Variants in HELZ observed in about 807,000 individuals in gnomAD.
HELZ encodes helicase with zinc finger.
HELZ carries 23 observed loss-of-function variants against 218.2 expected under a neutral mutation model. That is an observed-to-expected ratio of 0.11 (90% CI 0.08 to 0.15). The LOEUF is 0.15. HELZ is among the 10% of genes least tolerant of loss of function. The probability of loss-of-function intolerance (pLI) is 1.00; values close to 1 mark genes in which losing one functional copy is unlikely to be tolerated. For missense variants in HELZ, 1,813 were observed against 2,353.7 expected (o/e 0.77, Z 4.75); for synonymous variants, 814 against 829.4 (o/e 0.98, Z 0.32).
intron 23 of HELZ, among the ~76,000 whole-genome samples, chr17:67,129,907 C>T (rs1384672141): frequency 1.3e-5 from 2 of 151,910 alleles, no homozygotes; most frequent in African/African-American, 4.8e-5. Context: ...TTTTATTATG[C>T]TATAAAAGAT....
At chr17:67,197,631 T>A (rs897611368) in intron 7 of HELZ, among the ~76,000 whole-genome samples, 7 of 152,218 alleles carry the variant, frequency 4.6e-5, no homozygotes, top group African/African-American at 1.7e-4. Context: ...TCAGTAAATG[T>A]TAAACTGAAT....
chr17:67,160,413 T>A, intron 16 of HELZ, 51 bp from the exon 17 acceptor site: 1 of 1,277,354 alleles, frequency 7.8e-7, no homozygotes, highest in Non-Finnish European at 1.1e-6. Flanking sequence ...ACAAAACTAT[T>A]CAAGCAGTAT....
chr17:67,195,853 T>TC (rs1491241506), intron 7 of HELZ, among the ~76,000 whole-genome samples: 23 of 109,444 alleles, frequency 2.1e-4, no homozygotes, highest in African/African-American at 6.7e-4. Context: ...TTTTTTTTTC[T>TC]TTTTTTTTTT....
intron 5 of HELZ, among the ~76,000 whole-genome samples, chr17:67,208,756 A>G (rs1172824461): frequency 1.3e-5 from 2 of 149,570 alleles, no homozygotes; most frequent in Non-Finnish European, 2.9e-5. Flanking sequence ...ATTTCTACAA[A>G]ACAGAAAACA....
At chr17:67,130,309 C>T (rs917497739) in intron 23 of HELZ, among the ~76,000 whole-genome samples, 1 of 151,414 alleles carries the variant, frequency 6.6e-6, no homozygotes, top group African/African-American at 2.4e-5. Flanking sequence ...ACAAAAACCA[C>T]TTGTACCCAT....
chr17:67,086,762 G>T, intron 32 of HELZ, 67 bp downstream of exon 32: 1 of 1,562,056 alleles, frequency 6.4e-7, no homozygotes, highest in Non-Finnish European at 8.8e-7. Context: ...TGGTATAGAA[G>T]AAAAACTCCA....
intron 25 of HELZ, among the ~76,000 whole-genome samples, chr17:67,123,694 C>T (rs921139373): frequency 3.9e-5 from 6 of 151,994 alleles, no homozygotes; most frequent in Non-Finnish European, 7.4e-5. Flanking sequence ...AAATGTTTTT[C>T]CTCAAAACCT....
At chr17:67,242,658 T>G (rs967859448) in intron 2 of HELZ, among the ~76,000 whole-genome samples, 5 of 151,910 alleles carry the variant, frequency 3.3e-5, no homozygotes, top group African/African-American at 1.2e-4. Flanking sequence ...AAAATAAATT[T>G]AAAAATCCAT....
intron 27 of HELZ, among the ~76,000 whole-genome samples, chr17:67,115,528 A>G (rs907440889): frequency 1.3e-5 from 2 of 152,096 alleles, no homozygotes; most frequent in African/African-American, 2.4e-5. Flanking sequence ...AACTGATAAA[A>G]CCAGTATAAA....
chr17:67,242,404 C>A (rs572630381), intron 2 of HELZ, among the ~76,000 whole-genome samples: 2 of 128,470 alleles, frequency 1.6e-5, no homozygotes, highest in Non-Finnish European at 1.6e-5. Context: ...AAGAGTGAAA[C>A]TCTGTCTCAA....
At chr17:67,135,166 G>A (rs116244878) in intron 23 of HELZ, among the ~76,000 whole-genome samples, 1 of 151,952 alleles carries the variant, frequency 6.6e-6, no homozygotes, top group Non-Finnish European at 1.5e-5. Context: ...AAAGTCTAAT[G>A]AATACTAATA....
intron 31 of HELZ, among the ~76,000 whole-genome samples, chr17:67,096,407 C>T (rs1318263941): frequency 2.0e-5 from 3 of 152,240 alleles, no homozygotes; most frequent in Admixed American, 6.5e-5. Flanking sequence ...CAGGTATTGA[C>T]TTCTTCCTCT....
chr17:67,169,526 G>C lies in HELZ; in HGVS notation c.1431-1730C>G, dbSNP rs142726243. Among the ~76,000 whole-genome samples the C allele has an allele frequency of 2.0e-3, 307 of 152,220 alleles. 2 individuals are homozygous for C. Among genetic ancestry groups the C allele is most frequent in the Non-Finnish European group, 3.4e-3 (229 of 68,000 alleles). Reference sequence around the variant, plus strand: ...ATCACATTATCCACTCATGAGGGTGGAATCCTCATGGCCTAATCACCTTTT... The same window carrying C: ...ATCACATTATCCACTCATGAGGGTGCAATCCTCATGGCCTAATCACCTTTT... On this transcript the variant is annotated intron_variant, in intron 13 of 32. Transcript: ENST00000358691.
intron 13 of HELZ, among the ~76,000 whole-genome samples, chr17:67,170,298 T>C (rs1161969127): frequency 6.6e-6 from 1 of 152,208 alleles, no homozygotes; most frequent in African/African-American, 2.4e-5. Flanking sequence ...ATACATCCTT[T>C]GAAGTCTATG....
chr17:67,108,315 C>T lies in HELZ; in HGVS notation c.4724+177G>A, dbSNP rs938794028. On this transcript the variant is annotated intron_variant, in intron 30 of 32. Transcript: ENST00000358691. The surrounding 1 kb of genome is among the most constrained non-coding windows in gnomAD (Gnocchi z 4.1). The stretch of plus-strand genomic sequence containing the variant: ...GCCTAAATTTGTAGAAGAGTTACTT[C>T]TAAATGAGTTTTCTGTATTTTAGAG... 1.9e-5 allele frequency: 11 copies of T among 576,784 alleles called. No homozygotes were observed. Among genetic ancestry groups the T allele is most frequent in the Non-Finnish European group, 2.8e-5 (9 of 324,164 alleles). 35.7% of individuals were successfully genotyped at this position (576,784 alleles called of 1,614,324 possible).
chr17:67,084,969 G>T (rs2036320828), intron 32 of HELZ, among the ~76,000 whole-genome samples: 1 of 152,176 alleles, frequency 6.6e-6, no homozygotes, highest in South Asian at 2.1e-4. Context: ...AGCTGGGCAT[G>T]GTGGCAGATG....
intron 23 of HELZ, among the ~76,000 whole-genome samples, chr17:67,134,774 C>T (rs1452803468): frequency 6.6e-6 from 1 of 152,042 alleles, no homozygotes; most frequent in Non-Finnish European, 1.5e-5. Flanking sequence ...TTAAAGAGTG[C>T]CATGTCCTAA....
chr17:67,202,038 T>C (rs2040182749), intron 6 of HELZ, among the ~76,000 whole-genome samples: 1 of 152,104 alleles, frequency 6.6e-6, no homozygotes, highest in Non-Finnish European at 1.5e-5. Context: ...TAACCAAATA[T>C]AATTATTTAA....
intron 7 of HELZ, among the ~76,000 whole-genome samples, chr17:67,196,490 A>G (rs1832108194): frequency 6.6e-6 from 1 of 152,172 alleles, no homozygotes; most frequent in Admixed American, 6.5e-5. Context: ...CACCTCTCAA[A>G]GTATCTGGCA....
Sources: allele counts gnomAD v4.1 joint callset (sites outside exome capture counted in the v4.1 genomes callset), GRCh38; gene constraint gnomAD v4.1.1; non-coding constraint Gnocchi (gnomAD v3.1); transcripts MANE v1.5; gene names NCBI Gene and HGNC (gene_info 2026-07-23, HGNC 2026-07-21).